The following EDIL3 variants were observed in gnomAD, a reference collection of about 807,000 sequenced individuals.
The protein encoded by EDIL3 is EGF like and discoidin domains 3.
In EDIL3, 37 loss-of-function variants were observed where a neutral mutation model predicts 67.4. The observed-to-expected ratio is 0.55, with a 90% CI of 0.42 to 0.72. EDIL3 has a LOEUF of 0.72. EDIL3 is among the 30% of genes least tolerant of loss of function. The probability of loss-of-function intolerance (pLI) is 0.00; values close to 1 mark genes in which losing one functional copy is unlikely to be tolerated. For missense variants in EDIL3, 527 were observed against 586.3 expected (o/e 0.90, Z 1.04); for synonymous variants, 195 against 196.3 (o/e 0.99, Z 0.05).
rs117721056 is a variant in EDIL3, at chr5:83,974,568, C to T, written c.1138-11208G>A. On this transcript the variant is annotated intron_variant, in intron 9 of 10. Transcript: ENST00000296591. ...ATTATTTCCATTCAAATGCATGGTC[C>T]GTAACACTGTGAGCATTATATTTGT... Among the ~76,000 whole-genome samples the T allele has an allele frequency of 1.6e-4, 25 of 151,936 alleles. No individual in the cohort carries two copies. In the East Asian group the frequency reaches 3.7e-3, roughly 22 times the overall value.
At chr5:84,062,337 C>T (rs1055148155) in intron 8 of EDIL3, among the ~76,000 whole-genome samples, 1 of 152,068 alleles carries the variant, frequency 6.6e-6, no homozygotes, top group African/African-American at 2.4e-5. Flanking sequence ...GCATCCCACC[C>T]CCCAAGTCTT....
intron 1 of EDIL3, among the ~76,000 whole-genome samples, chr5:84,329,753 A>G (rs916812831): frequency 6.6e-6 from 1 of 152,124 alleles, no homozygotes; most frequent in Non-Finnish European, 1.5e-5. Flanking sequence ...AATTCTTAAA[A>G]TAATAATGAA....
At chr5:84,016,963 T>G (rs1457410683) in intron 9 of EDIL3, among the ~76,000 whole-genome samples, 1 of 152,200 alleles carries the variant, frequency 6.6e-6, no homozygotes, top group Non-Finnish European at 1.5e-5. Flanking sequence ...CACTTAAATT[T>G]TTCCTGTGCT....
At chr5:84,303,812 G>T (rs879888277) in intron 1 of EDIL3, among the ~76,000 whole-genome samples, 1 of 94,580 alleles carries the variant, frequency 1.1e-5, no homozygotes, top group Non-Finnish European at 2.4e-5. Flanking sequence ...CTCTCTCTGT[G>T]TGTGTGTGTG....
At chr5:84,185,774 G>T (rs1580366791) in intron 3 of EDIL3, among the ~76,000 whole-genome samples, 1 of 152,038 alleles carries the variant, frequency 6.6e-6, no homozygotes, top group African/African-American at 2.4e-5. Flanking sequence ...GTATTACACT[G>T]AATTGTAAAT....
chr5:84,105,078 T>G (rs756084435), intron 6 of EDIL3, among the ~76,000 whole-genome samples: 1 of 152,120 alleles, frequency 6.6e-6, no homozygotes, highest in Non-Finnish European at 1.5e-5. Flanking sequence ...GCATTTCAAC[T>G]AGAGTGATTA....
intron 6 of EDIL3, among the ~76,000 whole-genome samples, chr5:84,077,853 CTT>C (rs34699251): frequency 4.0e-5 from 6 of 148,156 alleles, no homozygotes; most frequent in African/African-American, 9.9e-5. Context: ...TTTTCTTCCT[CTT>C]TTTTTTTTGC....
chr5:84,355,152 T>C (rs1476117727), intron 1 of EDIL3, among the ~76,000 whole-genome samples: 12 of 152,112 alleles, frequency 7.9e-5, no homozygotes, highest in Admixed American at 7.9e-4. Context: ...TTTCACACAG[T>C]CCCATATTTC....
intron 10 of EDIL3, among the ~76,000 whole-genome samples, chr5:83,947,797 A>T (rs528032279): frequency 6.6e-6 from 1 of 152,028 alleles, no homozygotes; most frequent in African/African-American, 2.4e-5. Flanking sequence ...GAACAAACTT[A>T]GCTCATCAAA....
chr5:84,315,234 G>C (rs78639084), intron 1 of EDIL3, among the ~76,000 whole-genome samples: 2,105 of 152,252 alleles, frequency 0.014, 57 homozygotes, highest in African/African-American at 0.049. Flanking sequence ...GATTTGAAAT[G>C]TCATCTATAA....
chr5:84,372,059 G>C (rs1006604391), intron 1 of EDIL3, among the ~76,000 whole-genome samples: 1 of 152,076 alleles, frequency 6.6e-6, no homozygotes, highest in African/African-American at 2.4e-5. Flanking sequence ...AATTCAGAAT[G>C]TAGCTTCAAA....
intron 5 of EDIL3, among the ~76,000 whole-genome samples, chr5:84,121,430 T>C (rs1186426907): frequency 1.3e-5 from 2 of 151,974 alleles, no homozygotes; most frequent in Admixed American, 6.6e-5. Context: ...AGAATCTCAC[T>C]GCCAGTACTA....
intron 1 of EDIL3, among the ~76,000 whole-genome samples, chr5:84,259,289 C>T (rs574918917): frequency 6.6e-5 from 10 of 152,064 alleles, no homozygotes; most frequent in Non-Finnish European, 1.5e-4. Flanking sequence ...GCAATGACAA[C>T]CAGTAGAAGA....
At chr5:84,209,758 C>A (rs527349345) in intron 3 of EDIL3, among the ~76,000 whole-genome samples, 2 of 152,116 alleles carry the variant, frequency 1.3e-5, no homozygotes, top group Non-Finnish European at 2.9e-5. Context: ...CAGAGACACA[C>A]GAATTTATTG....
At chr5:83,998,867 C>T (rs1360147745) in intron 9 of EDIL3, among the ~76,000 whole-genome samples, 1 of 152,202 alleles carries the variant, frequency 6.6e-6, no homozygotes, top group Admixed American at 6.5e-5. Flanking sequence ...TGTGACCCAG[C>T]ACTGTCCCAG....
chr5:84,268,943 T>C (rs1258504505), intron 1 of EDIL3, among the ~76,000 whole-genome samples: 1 of 152,156 alleles, frequency 6.6e-6, no homozygotes, highest in Non-Finnish European at 1.5e-5. Flanking sequence ...TTAGCTCTAT[T>C]CATTCTAATC....
At chr5:84,290,533 A>T (rs1025637103) in intron 1 of EDIL3, among the ~76,000 whole-genome samples, 1 of 152,208 alleles carries the variant, frequency 6.6e-6, no homozygotes, top group African/African-American at 2.4e-5. Flanking sequence ...AATAGCAGGA[A>T]AAAAAGAGTC....
intron 5 of EDIL3, among the ~76,000 whole-genome samples, chr5:84,114,900 C>G (rs887743286): frequency 4.6e-5 from 7 of 152,134 alleles, no homozygotes; most frequent in African/African-American, 1.7e-4. Context: ...AGATGAACAG[C>G]AATTTGTGCA....
chr5:84,234,887 T>C (rs1464358532), intron 2 of EDIL3, among the ~76,000 whole-genome samples: 1 of 152,172 alleles, frequency 6.6e-6, no homozygotes. Flanking sequence ...CAATGTTTTA[T>C]TCAACTGCAG....
Sources: allele counts gnomAD v4.1 joint callset (sites outside exome capture counted in the v4.1 genomes callset), GRCh38; gene constraint gnomAD v4.1.1; transcripts MANE v1.5; gene names NCBI Gene and HGNC (gene_info 2026-07-23, HGNC 2026-07-21).